ULK4: variants seen among roughly 807,000 people sequenced by gnomAD.
ULK4 encodes the protein inactive serine/threonine-protein kinase ULK4.
ULK4 carries 133 observed loss-of-function variants against 160.6 expected under a neutral mutation model. The observed-to-expected ratio is 0.83, with a 90% CI of 0.72 to 0.96. The LOEUF (loss-of-function observed/expected upper bound fraction) is 0.96, where lower values mean the gene tolerates loss of function less well. Ranked by LOEUF, ULK4 falls within the 40% of genes least tolerant of loss-of-function variation. The pLI is 0.00. For synonymous variants in ULK4, 534 were observed against 539.8 expected (o/e 0.99, Z 0.15); for missense variants, 1,580 against 1,499.5 (o/e 1.05, Z -0.89).
intron 34 of ULK4, among the ~76,000 whole-genome samples, chr3:41,399,485 A>C (rs998046308): frequency 2.4e-4 from 37 of 152,332 alleles, no homozygotes; most frequent in African/African-American, 8.9e-4. Flanking sequence ...TTGAAGTAAA[A>C]AATATTTTTA....
intron 35 of ULK4, among the ~76,000 whole-genome samples, chr3:41,251,666 T>C (rs1429958572): frequency 6.6e-6 from 1 of 152,206 alleles, no homozygotes; most frequent in Non-Finnish European, 1.5e-5. Flanking sequence ...CATCCTCTTG[T>C]GTCCCAGGCC....
intron 20 of ULK4, among the ~76,000 whole-genome samples, chr3:41,798,679 A>C (rs1575727464): frequency 6.6e-6 from 1 of 152,018 alleles, no homozygotes; most frequent in Admixed American, 6.6e-5. Context: ...AGCAACAGTT[A>C]TGTGGCAATA....
intron 30 of ULK4, 50 bp downstream of exon 30, chr3:41,663,557 A>G (rs1357998086): frequency 6.7e-7 from 1 of 1,492,194 alleles, no homozygotes. Flanking sequence ...AACACATAAA[A>G]TTCATTTTAT....
At chr3:41,291,441 G>GAA (rs2079561671) in intron 35 of ULK4, among the ~76,000 whole-genome samples, 14 of 110,316 alleles carry the variant, frequency 1.3e-4, no homozygotes, top group Admixed American at 3.2e-4. Context: ...GGAGAGAGAA[G>GAA]GAGGAGAGGG....
At chr3:41,335,577 A>G (rs963538182) in intron 35 of ULK4, among the ~76,000 whole-genome samples, 2 of 152,156 alleles carry the variant, frequency 1.3e-5, no homozygotes, top group Non-Finnish European at 2.9e-5. Context: ...ATGACACAAG[A>G]TATAAGAAAA....
rs528253655 is a variant in ULK4, at chr3:41,355,967, A to G, written c.3678+42112T>C. Among the ~76,000 whole-genome samples the G allele has an allele frequency of 1.1e-4, 17 of 152,286 alleles. No individual in the cohort carries two copies. The East Asian group carries it at 3.3e-3, about 29-fold the overall frequency. On this transcript the variant is annotated intron_variant, in intron 35 of 36. Transcript: ENST00000301831. ...TGAGAACAAATACTCTATGCAAACC[A>G]TTTTTCTAGCCTGAAGGATATCCCA...
At chr3:41,868,656 A>AT (rs911014488) in intron 17 of ULK4, among the ~76,000 whole-genome samples, 10 of 132,338 alleles carry the variant, frequency 7.6e-5, no homozygotes, top group African/African-American at 3.8e-4. Context: ...TATCCACCTA[A>AT]TTTTTTTTGT....
intron 21 of ULK4, among the ~76,000 whole-genome samples, chr3:41,774,811 T>G (rs2039540895): frequency 6.6e-6 from 1 of 150,442 alleles, no homozygotes; most frequent in Non-Finnish European, 1.5e-5. Flanking sequence ...TAGCAAAAAC[T>G]TGGAACCAAC....
intron 17 of ULK4, among the ~76,000 whole-genome samples, chr3:41,839,232 C>G (rs553097167): frequency 1.3e-5 from 2 of 151,852 alleles, no homozygotes; most frequent in Admixed American, 1.3e-4. Context: ...CCCAGCTACT[C>G]AGGAGGCCAA....
chr3:41,915,828 T>C (rs1181253243), intron 8 of ULK4, 149 bp downstream of exon 8: 8 of 509,564 alleles, frequency 1.6e-5, no homozygotes, highest in Non-Finnish European at 2.4e-5. Context: ...ATAATTTGAA[T>C]AGCTATTTGT....
At chr3:41,397,677 A>C (rs540684533) in intron 35 of ULK4, among the ~76,000 whole-genome samples, 67 of 152,282 alleles carry the variant, frequency 4.4e-4, no homozygotes, top group African/African-American at 1.6e-3. Flanking sequence ...CCTACACCAG[A>C]AAAAAGGCTA....
rs756239830 is a variant in ULK4 at position 41,932,101 on chromosome 3, A to G, written c.379-95T>C. ...TAATTGTACTAAAGAACTTTTCAGCATTGCTATTCTTTATCAGAACTCAGA... is the reference window on the plus strand; with the variant it reads ...TAATTGTACTAAAGAACTTTTCAGCGTTGCTATTCTTTATCAGAACTCAGA... On this transcript the variant is annotated intron_variant, in intron 4 of 36. Transcript: ENST00000301831. The G allele has an allele frequency of 1.8e-4, 188 of 1,072,028 alleles. 1 individual carries two copies. Among genetic ancestry groups the G allele is most frequent in the Middle Eastern group, 8.6e-4 (4 of 4,638 alleles). The allele number at this position is 1,072,028 out of a possible 1,614,324, so 66.4% of individuals were successfully genotyped here.
At chr3:41,807,779 GCTAT>G (rs1475045785) in intron 19 of ULK4, among the ~76,000 whole-genome samples, 1 of 152,036 alleles carries the variant, frequency 6.6e-6, no homozygotes, top group Non-Finnish European at 1.5e-5. Context: ...TCTCAGAATG[GCTAT>G]CTGAGAGAAC....
chr3:41,307,718 C>G (rs911917327), intron 35 of ULK4, among the ~76,000 whole-genome samples: 2 of 152,050 alleles, frequency 1.3e-5, no homozygotes, highest in Non-Finnish European at 2.9e-5. Context: ...TAGTCCTAGC[C>G]ACTTGGGAAG....
At chr3:41,847,346 T>C (rs914907433) in intron 17 of ULK4, among the ~76,000 whole-genome samples, 1 of 152,256 alleles carries the variant, frequency 6.6e-6, no homozygotes, top group Non-Finnish European at 1.5e-5. Flanking sequence ...TCTCAAAATA[T>C]AGTTGTTAAA....
At chr3:41,564,996 C>T (rs1228181932) in intron 32 of ULK4, among the ~76,000 whole-genome samples, 3 of 152,140 alleles carry the variant, frequency 2.0e-5, no homozygotes, top group African/African-American at 7.2e-5. Context: ...TTTAAATTCA[C>T]AATACTTCTA....
At chr3:41,447,009 G>A (rs575511253) in intron 34 of ULK4, among the ~76,000 whole-genome samples, 38 of 147,426 alleles carry the variant, frequency 2.6e-4, no homozygotes, top group African/African-American at 7.3e-4. Flanking sequence ...GCTTGAACCC[G>A]GGAGGTGGAG....
intron 30 of ULK4, among the ~76,000 whole-genome samples, chr3:41,657,818 T>TAAAAAAA (rs60281588): frequency 1.2e-4 from 12 of 99,724 alleles, no homozygotes; most frequent in East Asian, 4.7e-4. Flanking sequence ...TCCATCTCAT[T>TAAAAAAA]AAAAAAAAAA....
At chr3:41,849,118 C>T (rs966717126) in intron 17 of ULK4, among the ~76,000 whole-genome samples, 1 of 152,188 alleles carries the variant, frequency 6.6e-6, no homozygotes, top group Non-Finnish European at 1.5e-5. Context: ...CCACCTAGGC[C>T]TGCAGCAACC....
Sources: gnomAD v4.1 joint callset for allele counts (sites outside exome capture counted in the v4.1 genomes callset) on GRCh38, gnomAD v4.1.1 for gene constraint, MANE v1.5 for transcripts, NCBI Gene and HGNC (gene_info 2026-07-23, HGNC 2026-07-21) for gene names.